PLD5: variants seen among roughly 807,000 people sequenced by gnomAD.
PLD5 encodes the protein phospholipase D family member 5, also known as inactive phospholipase D5.
PLD5 carries 36 observed loss-of-function variants against 61.1 expected under a neutral mutation model. The ratio of observed to expected loss-of-function variants is 0.59; its 90% confidence interval spans 0.45 to 0.78. PLD5 has a LOEUF of 0.78. Ranked by LOEUF, PLD5 falls within the 30% of genes least tolerant of loss-of-function variation. PLD5 has a pLI of 0.00. For synonymous variants in PLD5, 243 were observed against 242.8 expected (o/e 1.00, Z -0.01); for missense variants, 515 against 644.4 (o/e 0.80, Z 2.17).
chr1:242,391,436 A>T (rs1292948561), intron 1 of PLD5, among the ~76,000 whole-genome samples: 1 of 152,254 alleles, frequency 6.6e-6, no homozygotes, highest in Non-Finnish European at 1.5e-5. Flanking sequence ...AGGATATTTT[A>T]AACACACAAA....
chr1:242,302,350 C>G (rs1454043323), intron 2 of PLD5, among the ~76,000 whole-genome samples: 1 of 152,186 alleles, frequency 6.6e-6, no homozygotes, highest in Non-Finnish European at 1.5e-5. Flanking sequence ...TTTGTCTCGT[C>G]ACCTCTCCAA....
At chr1:242,200,484 G>T (rs1301358992) in intron 5 of PLD5, among the ~76,000 whole-genome samples, 1 of 152,140 alleles carries the variant, frequency 6.6e-6, no homozygotes, top group Non-Finnish European at 1.5e-5. Flanking sequence ...CATACTTTTT[G>T]GTTCTTGGTT....
chr1:242,448,042 T>C (rs1325029735), intron 1 of PLD5, among the ~76,000 whole-genome samples: 1 of 152,218 alleles, frequency 6.6e-6, no homozygotes, highest in Admixed American at 6.5e-5. Context: ...TATTTATTTA[T>C]TTATTTATTT....
At chr1:242,215,899 G>A (rs978146226) in intron 5 of PLD5, among the ~76,000 whole-genome samples, 4 of 152,146 alleles carry the variant, frequency 2.6e-5, no homozygotes, top group Admixed American at 6.5e-5. Flanking sequence ...CCTGCTACCT[G>A]TACCTGCTAC....
rs1169998621 is a variant in PLD5, at chr1:242,085,783, A to G, written c.*4071T>C. ...TTTCATTATAGGAAGTGGCTGTTCT[A>G]TGCAAGTAATGGCAGCGTTTTACAT... On this transcript the variant is annotated 3_prime_UTR_variant, in exon 10 of 10. Transcript: ENST00000536534. 6.6e-6 allele frequency: 1 copy of G among 152,206 alleles called. No individual in the cohort carries two copies. The highest frequency in any genetic ancestry group is 2.4e-5 in the African/African-American group (1 of 41,450). 9.4% of individuals were successfully genotyped at this position (152,206 alleles called of 1,614,324 possible).
At chr1:242,170,964 CTT>C (rs1362754889) in intron 5 of PLD5, among the ~76,000 whole-genome samples, 2 of 152,178 alleles carry the variant, frequency 1.3e-5, no homozygotes, top group African/African-American at 2.4e-5. Context: ...CTGGAAAACT[CTT>C]TAGGATATTA....
chr1:242,163,269 G>T (rs1055462161), intron 5 of PLD5, among the ~76,000 whole-genome samples: 1 of 151,482 alleles, frequency 6.6e-6, no homozygotes, highest in African/African-American at 2.4e-5. Context: ...TCAGCCTCCC[G>T]AGTAGCTGGG....
At position 242,088,965 on chromosome 1, in the gene PLD5, A is replaced by G. The variant is rs1003926777; in HGVS notation, c.*889T>C. Reference sequence around the variant, plus strand: ...CCTTTATAATACCATAAACTGAACAAAAATGTGAAAAACTACTTTATTCCC... The same window carrying G: ...CCTTTATAATACCATAAACTGAACAGAAATGTGAAAAACTACTTTATTCCC... On this transcript the variant is annotated 3_prime_UTR_variant, in exon 10 of 10. Transcript: ENST00000536534. 1 of 199,478 alleles carries G rather than the reference A, an allele frequency of 5.0e-6. No homozygotes were observed. Among genetic ancestry groups the G allele is most frequent in the African/African-American group, 2.3e-5 (1 of 43,660 alleles). 12.4% of individuals were successfully genotyped at this position (199,478 alleles called of 1,614,324 possible). A position where few individuals can be genotyped will look rare whatever the true frequency, so the allele number is the denominator to read the frequency against.
chr1:242,459,701 C>T (rs896339878), intron 1 of PLD5, among the ~76,000 whole-genome samples: 1 of 152,116 alleles, frequency 6.6e-6, no homozygotes, highest in Non-Finnish European at 1.5e-5. Flanking sequence ...GAGCCAACAG[C>T]GCGTGATGTG....
intron 3 of PLD5, among the ~76,000 whole-genome samples, chr1:242,271,604 T>C (rs1023119021): frequency 1.3e-5 from 2 of 151,846 alleles, no homozygotes; most frequent in Non-Finnish European, 2.9e-5. Context: ...GGCCCAAGAA[T>C]CCTTTACACA....
chr1:242,471,729 C>G (rs1418787927), intron 1 of PLD5, among the ~76,000 whole-genome samples: 1 of 152,026 alleles, frequency 6.6e-6, no homozygotes, highest in African/African-American at 2.4e-5. Flanking sequence ...ATTCCTAAAA[C>G]AGAGTTTTAG....
intron 2 of PLD5, among the ~76,000 whole-genome samples, chr1:242,329,178 T>G (rs1287655995): frequency 6.6e-6 from 1 of 152,026 alleles, no homozygotes; most frequent in Non-Finnish European, 1.5e-5. Flanking sequence ...ACCTGGCTAA[T>G]TTTTATATTT....
intron 3 of PLD5, among the ~76,000 whole-genome samples, chr1:242,267,137 C>CAA (rs140341129): frequency 4.4e-3 from 445 of 100,948 alleles, no homozygotes; most frequent in African/African-American, 0.012. Context: ...AATAAAAAAA[C>CAA]AAAAAAAAAA....
chr1:242,095,094 G>A (rs895393951), intron 9 of PLD5, among the ~76,000 whole-genome samples: 10 of 151,688 alleles, frequency 6.6e-5, no homozygotes, highest in African/African-American at 2.4e-4. Context: ...CCGCCACCAC[G>A]CCTGGCTAAT....
chr1:242,417,898 T>C (rs975697190), intron 1 of PLD5, among the ~76,000 whole-genome samples: 3 of 152,154 alleles, frequency 2.0e-5, no homozygotes, highest in African/African-American at 7.2e-5. Context: ...TTGCAAGCTT[T>C]ACCCCAAGTG....
intron 2 of PLD5, among the ~76,000 whole-genome samples, chr1:242,318,159 T>C (rs1658139746): frequency 1.3e-5 from 2 of 152,170 alleles, no homozygotes; most frequent in Non-Finnish European, 2.9e-5. Context: ...CAAAATGACG[T>C]GCCCTGGGGC....
At chr1:242,102,179 C>T (rs924732878) in intron 8 of PLD5, among the ~76,000 whole-genome samples, 7 of 152,206 alleles carry the variant, frequency 4.6e-5, no homozygotes, top group Admixed American at 1.3e-4. Flanking sequence ...TATCACAACA[C>T]GTGGCCACAC....
chr1:242,489,185 T>C (rs968633514), intron 1 of PLD5, among the ~76,000 whole-genome samples: 1 of 151,918 alleles, frequency 6.6e-6, no homozygotes, highest in Non-Finnish European at 1.5e-5. Context: ...AGAAACCAGA[T>C]CAGTGGCAGA....
chr1:242,333,828 A>G (rs1232722063), intron 2 of PLD5, among the ~76,000 whole-genome samples: 1 of 152,204 alleles, frequency 6.6e-6, no homozygotes, highest in Admixed American at 6.5e-5. Flanking sequence ...ACAGGATTTC[A>G]TTCTTTTTAT....
Sources: gnomAD v4.1 joint callset for allele counts (sites outside exome capture counted in the v4.1 genomes callset) on GRCh38, gnomAD v4.1.1 for gene constraint, MANE v1.5 for transcripts, NCBI Gene and HGNC (gene_info 2026-07-23, HGNC 2026-07-21) for gene names.